Variants in CPOX observed in about 807,000 individuals in gnomAD.
CPOX encodes the protein coproporphyrinogen oxidase.
Under a neutral mutation model 48.9 loss-of-function variants are expected in CPOX, and 24 were observed. That is an observed-to-expected ratio of 0.49 (90% CI 0.36 to 0.69). The LOEUF (loss-of-function observed/expected upper bound fraction) is 0.69, where lower values mean the gene tolerates loss of function less well. Among genes scored for constraint, CPOX ranks in the 30% least tolerant of loss-of-function variants. CPOX has a pLI of 0.00. For synonymous variants in CPOX, 249 were observed against 234.6 expected (o/e 1.06, Z -0.56); for missense variants, 549 against 597.3 (o/e 0.92, Z 0.84).
At chr3:98,581,371 T>C (rs769565907) in intron 6 of CPOX, 36 bp downstream of exon 6, 4 of 1,415,196 alleles carry the variant, frequency 2.8e-6, no homozygotes, top group African/African-American at 1.4e-5. Flanking sequence ...GAATTGGGAG[T>C]GTAGGGATAA....
At chr3:98,577,574 T>C (rs1707181303), downstream of CPOX, among the ~76,000 whole-genome samples, 1 of 152,132 alleles carries the variant, frequency 6.6e-6, no homozygotes, top group East Asian at 1.9e-4. Context: ...GTGTGGAGGT[T>C]TTGAAGATGA....
At position 98,591,124 on chromosome 3, in the gene CPOX, A is replaced by G. The variant is rs762851939; in HGVS notation, c.588T>C (p.Asp196=). Residue 196 remains aspartate (D), a synonymous_variant, in exon 2 of 7, where the codon GAT becomes GAC. Coordinates refer to ENST00000647941, the MANE Select transcript of CPOX (RefSeq NM_000097.7). ...CCCCAGCCTTTTCGAAAACACACCC[A>G]TCTTGAAGTACACAGCTGATGCCGC... ...GGGGISCVLQ[D]GCVFEKAGVS... 2 of 1,614,138 alleles carry G rather than the reference A, an allele frequency of 1.2e-6. No homozygotes were observed. Among genetic ancestry groups the G allele is most frequent in the Non-Finnish European group, 1.7e-6 (2 of 1,180,006 alleles).
At position 98,593,359 on chromosome 3, in the gene CPOX, C is replaced by T. The variant is rs1370938707; in HGVS notation, c.146G>A (p.Arg49Gln). The part of the protein sequence containing the change: ...SQRSAAGRVC[R>Q]PPGPAGTEQS... ...CTCCGTGCCAGCCGGGCCAGGGGGCCGGCAGACGCGTCCGGCTGCGCTGCG... is the reference window on the plus strand; with the variant it reads ...CTCCGTGCCAGCCGGGCCAGGGGGCTGGCAGACGCGTCCGGCTGCGCTGCG... Residue 49 changes from arginine to glutamine, a missense_variant, in exon 1 of 7, where the codon CGG (arginine) becomes CAG (glutamine). By Grantham distance (43) the Arg-to-Gln change is conservative. Transcript: ENST00000647941. The T allele has an allele frequency of 6.0e-6, 8 of 1,339,662 alleles. No homozygotes were observed. The highest frequency in any genetic ancestry group is 7.6e-6 in the Non-Finnish European group (8 of 1,057,474). 83.0% of individuals were successfully genotyped at this position (1,339,662 alleles called of 1,614,324 possible).
At position 98,593,494 on chromosome 3, in the gene CPOX, TG is replaced by T; in HGVS notation, c.10del (p.Gln4SerfsTer5). ...GGGGCCCGAGCTCAGCCTGCCCAGC[TG>T]CAAGGCCATGTTCCCGCACTATCAC... Reference protein sequence around the residue: MALQLGRLSSGPCW... With the variant: MALXLGRLSSGPCW... On this transcript the variant is annotated frameshift_variant, in exon 1 of 7. Transcript: ENST00000647941. LOFTEE classifies it high-confidence loss of function. 1 of 1,520,426 alleles carries T rather than the reference TG, an allele frequency of 6.6e-7. No individual in the cohort carries two copies. The highest frequency in any genetic ancestry group is 1.2e-5 in the South Asian group (1 of 82,046). 94.2% of individuals were successfully genotyped at this position (1,520,426 alleles called of 1,614,324 possible). A position where few individuals can be genotyped will look rare whatever the true frequency, so the allele number is the denominator to read the frequency against.
intron 5 of CPOX, among the ~76,000 whole-genome samples, chr3:98,581,838 C>T (rs1376100678): frequency 6.6e-6 from 1 of 152,186 alleles, no homozygotes; most frequent in Non-Finnish European, 1.5e-5. Context: ...AAAAGAAATG[C>T]ATCCCTTCTC....
At chr3:98,574,292 G>C in the CPOX span, among the ~76,000 whole-genome samples, 1 of 152,134 alleles carries the variant, frequency 6.6e-6, no homozygotes, top group African/African-American at 2.4e-5. Flanking sequence ...TGTGAGTCAG[G>C]GATTCTGATA....
At chr3:98,576,813 A>G (rs1707167726), downstream of CPOX, among the ~76,000 whole-genome samples, 1 of 152,182 alleles carries the variant, frequency 6.6e-6, no homozygotes, top group South Asian at 2.1e-4. Flanking sequence ...TTATACAGAC[A>G]ACTAAACAAC....
chr3:98,580,511 C>T lies in CPOX; in HGVS notation c.*172G>A, dbSNP rs1213986875. On this transcript the variant is annotated 3_prime_UTR_variant, in exon 7 of 7. Transcript: ENST00000647941. ...TGACTCTGACAATCTGCCATCTCAC[C>T]ATTCATCACTGACAGCATCCAAAAC... 11 of 1,456,302 alleles carry T rather than the reference C, an allele frequency of 7.6e-6. No individual in the cohort carries two copies. Among genetic ancestry groups the T allele is most frequent in the Non-Finnish European group, 9.9e-6 (11 of 1,106,332 alleles). The allele number at this position is 1,456,302 out of a possible 1,614,324, so 90.2% of individuals were successfully genotyped here.
chr3:98,592,247 C>G lies in CPOX; in HGVS notation c.556+702G>C, dbSNP rs560441819. ...TGAGAAGCTGCTGTTGTATTTCCAG[C>G]TAGGAAAAGTCAGGAATCTTTCAAG... On this transcript the variant is annotated intron_variant, in intron 1 of 6. Transcript: ENST00000647941. Among the ~76,000 whole-genome samples the G allele has an allele frequency of 2.4e-4, 36 of 152,178 alleles. 1 individual carries two copies. Among genetic ancestry groups the G allele is most frequent in the Non-Finnish European group, 4.4e-4 (30 of 68,008 alleles).
chr3:98,572,181 C>T, the CPOX span, among the ~76,000 whole-genome samples: 1 of 152,208 alleles, frequency 6.6e-6, no homozygotes, highest in Non-Finnish European at 1.5e-5. Flanking sequence ...GTGCATCAGT[C>T]TAGCTCCTGG....
intron 3 of CPOX, 44 bp from the exon 4 acceptor site, chr3:98,588,898 T>G: frequency 1.2e-6 from 2 of 1,608,388 alleles, no homozygotes; most frequent in Non-Finnish European, 1.7e-6. Flanking sequence ...CTTTTGAGAT[T>G]CAGCATTACT....
chr3:98,587,484 A>C (rs1418983723), intron 4 of CPOX, among the ~76,000 whole-genome samples: 1 of 148,496 alleles, frequency 6.7e-6, no homozygotes, highest in Admixed American at 6.8e-5. Flanking sequence ...ATCTAGTATG[A>C]GTGTTCTTGC....
chr3:98,574,069 T>C, the CPOX span, among the ~76,000 whole-genome samples: 50 of 152,324 alleles, frequency 3.3e-4, 1 homozygote, highest in African/African-American at 1.1e-3. Flanking sequence ...TTTTACAAAA[T>C]TGGTAGACTT....
rs60105848 is a variant in CPOX at position 98,585,228 on chromosome 3, C to T, written c.1172+213G>A. On this transcript the variant is annotated intron_variant, in intron 5 of 6. Coordinates refer to ENST00000647941, the MANE Select transcript of CPOX (RefSeq NM_000097.7). ...TCAGGAAGTACTTACTACATGCCTA[C>T]TATGAGTCTCTAATGTATAGATGAA... Among the ~76,000 whole-genome samples the T allele has an allele frequency of 0.047, 7,165 of 152,216 alleles. 372 individuals carry two copies. The highest frequency in any genetic ancestry group is 0.13 in the African/African-American group (5,339 of 41,490).
chr3:98,593,142 A>ATCCTCC lies in CPOX; in HGVS notation c.357_362dup (p.Glu119_Glu120dup), dbSNP rs749870062. The stretch of plus-strand genomic sequence containing the variant: ...AGCTGCTGCAGCGGTGGGCCAGCTC[A>ATCCTCC]TCCTCCTCCTCCTCCGGCCTCCCCA... On this transcript the variant is annotated inframe_insertion, in exon 1 of 7. Transcript: ENST00000647941. 1.9e-6 allele frequency: 3 copies of ATCCTCC among 1,612,448 alleles called. No homozygotes were observed. Among genetic ancestry groups the ATCCTCC allele is most frequent in the African/African-American group, 1.3e-5 (1 of 74,790 alleles).
Position 98,593,584 on chromosome 3 carries a change from T to C in CPOX, c.-80A>G. ...CCCCCCACCCAGACCCCCGGAGTAT[T>C]GAGCCGGCGAGCTGCACAGGCGGAA... is the stretch of plus-strand genomic sequence containing the variant. On this transcript the variant is annotated 5_prime_UTR_variant, in exon 1 of 7. Transcript: ENST00000647941. The C allele has an allele frequency of 2.1e-6, 3 of 1,397,422 alleles. No individual in the cohort carries two copies. The highest frequency in any genetic ancestry group is 2.9e-6 in the Non-Finnish European group (3 of 1,047,128). The allele number at this position is 1,397,422 out of a possible 1,614,324, so 86.6% of individuals were successfully genotyped here. A position where few individuals can be genotyped will look rare whatever the true frequency, so the allele number is the denominator to read the frequency against.
Position 98,580,687 on chromosome 3 carries a change from C to A in CPOX, c.1361G>T (p.Arg454Leu), listed in dbSNP as rs149718909. The A allele has an allele frequency of 3.7e-6, 6 of 1,614,094 alleles. No homozygotes were observed. In the African/African-American group the frequency reaches 8.0e-5, roughly 22 times the overall value. The part of the protein sequence containing the change: ...EVLRHPRDWV[R>L] Reference sequence around the variant, plus strand: ...TGCACAGCCATTCTGCCTGCATCAACGCACCCAGTCCCTTGGATGGCGTAG... The same window carrying A: ...TGCACAGCCATTCTGCCTGCATCAAAGCACCCAGTCCCTTGGATGGCGTAG... The change falls in exon 7 of 7, where the codon CGT becomes CTT. Residue 454 changes from arginine to leucine, a missense_variant. Around this residue, in one of 2 missense-constraint regions of CPOX, gnomAD observed 213 missense variants for 279.1 expected, o/e 0.76. Coordinates refer to ENST00000647941, the MANE Select transcript of CPOX (RefSeq NM_000097.7).
In CPOX at chr3:98,593,564, C is replaced by T. The variant is rs1162825442; in HGVS notation, c.-60G>A. On this transcript the variant is annotated 5_prime_UTR_variant, in exon 1 of 7. Coordinates refer to ENST00000647941, the MANE Select transcript of CPOX (RefSeq NM_000097.7). ...CCCAGAGCCCTGCGTTTGAGCCCCC[C>T]ACCCAGACCCCCGGAGTATTGAGCC... The T allele has an allele frequency of 1.1e-5, 16 of 1,470,300 alleles. No individual in the cohort carries two copies. In the African/African-American group the frequency reaches 1.9e-4, roughly 17 times the overall value. 91.1% of individuals were successfully genotyped at this position (1,470,300 alleles called of 1,614,324 possible).
At chr3:98,574,673 C>T (rs1707133716), downstream of CPOX, among the ~76,000 whole-genome samples, 1 of 152,192 alleles carries the variant, frequency 6.6e-6, no homozygotes, top group Admixed American at 6.5e-5. Context: ...CCCCTGCCTC[C>T]CAGGTTCAAG....
Sources: allele counts gnomAD v4.1 joint callset (sites outside exome capture counted in the v4.1 genomes callset), GRCh38; gene constraint gnomAD v4.1.1; regional missense constraint gnomAD v4.1.1; transcripts MANE v1.5; gene names NCBI Gene and HGNC (gene_info 2026-07-23, HGNC 2026-07-21).